The following GXYLT2 variants were observed in gnomAD, a reference collection of about 807,000 sequenced individuals.
GXYLT2 encodes the protein glycosyltransferase 8 domain containing 4.
GXYLT2 carries 53 observed loss-of-function variants against 45.8 expected under a neutral mutation model. That is an observed-to-expected ratio of 1.16 (90% CI 0.93 to 1.46). The LOEUF is 1.46. GXYLT2 is among the 40% of genes most tolerant of loss of function. The pLI is 0.00. For missense variants in GXYLT2, 551 were observed against 544.4 expected (o/e 1.01, Z -0.12); for synonymous variants, 219 against 214.2 (o/e 1.02, Z -0.19).
Position 72,967,689 on chromosome 3 carries a change from G to C in GXYLT2, c.1119G>C (p.Thr373=). Reference sequence around the variant, plus strand: ...TCTACCATGACGATAAGCAACCAACGTTCAGAGCACTCTATGAAGCAATAC... The same window carrying C: ...TCTACCATGACGATAAGCAACCAACCTTCAGAGCACTCTATGAAGCAATAC... The part of the protein sequence containing the change: ...RGVYHDDKQP[T]FRALYEAIRD... The change falls in exon 6 of 7, where the codon ACG becomes ACC. Residue 373 remains threonine, a synonymous_variant. Coordinates refer to ENST00000389617, the MANE Select transcript of GXYLT2 (RefSeq NM_001080393.2). 1 of 1,613,888 alleles carries C rather than the reference G, an allele frequency of 6.2e-7. No individual in the cohort carries two copies. The highest frequency in any genetic ancestry group is 8.5e-7 in the Non-Finnish European group (1 of 1,179,832).
chr3:72,966,369 C>A (rs1710866007), intron 5 of GXYLT2, among the ~76,000 whole-genome samples: 1 of 150,020 alleles, frequency 6.7e-6, no homozygotes, highest in Non-Finnish European at 1.5e-5. Context: ...ATCTTGACTC[C>A]TCTTTTTTAG....
chr3:72,955,678 A>G (rs1452697475), intron 4 of GXYLT2, among the ~76,000 whole-genome samples: 2 of 152,224 alleles, frequency 1.3e-5, no homozygotes, highest in African/African-American at 4.8e-5. Flanking sequence ...TTATTTATGT[A>G]AGTCCGTGAC....
chr3:72,928,938 T>C, intron 3 of GXYLT2: 1 of 740,820 alleles, frequency 1.3e-6, no homozygotes, highest in Non-Finnish European at 2.3e-6. Context: ...CGGCCGCCCA[T>C]AGCCAGTCCT....
At chr3:72,920,596 T>C (rs1247778443) in intron 2 of GXYLT2, among the ~76,000 whole-genome samples, 1 of 152,086 alleles carries the variant, frequency 6.6e-6, no homozygotes, top group Non-Finnish European at 1.5e-5. Context: ...TAAACTGCTC[T>C]AAAATCTAAA....
At chr3:72,900,191 A>T (rs965761598) in intron 1 of GXYLT2, among the ~76,000 whole-genome samples, 2 of 152,070 alleles carry the variant, frequency 1.3e-5, no homozygotes, top group Non-Finnish European at 2.9e-5. Flanking sequence ...TTATTTATAC[A>T]CTCCAGAAAT....
At chr3:72,930,948 G>C (rs112577357) in intron 3 of GXYLT2, among the ~76,000 whole-genome samples, 2,205 of 152,206 alleles carry the variant, frequency 0.014, 55 homozygotes, top group African/African-American at 0.046. Context: ...CACGGAAATA[G>C]AAGAACAACA....
intron 3 of GXYLT2, among the ~76,000 whole-genome samples, chr3:72,951,789 T>A (rs984791963): frequency 6.6e-6 from 1 of 152,146 alleles, no homozygotes; most frequent in Non-Finnish European, 1.5e-5. Flanking sequence ...AATCTTCAAA[T>A]TCTGTTTTTT....
At chr3:72,930,226 G>C (rs185650853) in intron 3 of GXYLT2, among the ~76,000 whole-genome samples, 1 of 151,886 alleles carries the variant, frequency 6.6e-6, no homozygotes, top group African/African-American at 2.4e-5. Flanking sequence ...CAGTCGAACT[G>C]TGTGCTCTCT....
chr3:72,897,021 A>G (rs1042761370), intron 1 of GXYLT2, among the ~76,000 whole-genome samples: 40 of 152,142 alleles, frequency 2.6e-4, no homozygotes, highest in African/African-American at 9.2e-4. Context: ...TGTTAATAGT[A>G]ATAATGATGA....
chr3:72,919,272 A>G (rs1709789054), intron 2 of GXYLT2, among the ~76,000 whole-genome samples: 1 of 152,212 alleles, frequency 6.6e-6, no homozygotes, highest in Admixed American at 6.5e-5. Flanking sequence ...AAACTGTGAT[A>G]TATTCATACC....
intron 1 of GXYLT2, among the ~76,000 whole-genome samples, chr3:72,898,934 T>C (rs1224956418): frequency 6.6e-6 from 1 of 152,170 alleles, no homozygotes; most frequent in Non-Finnish European, 1.5e-5. Context: ...TTTCACCATG[T>C]TGGTCAGGCT....
chr3:72,955,498 T>A, intron 4 of GXYLT2, 149 bp downstream of exon 4: 1 of 682,508 alleles, frequency 1.5e-6, no homozygotes, highest in Non-Finnish European at 2.4e-6. Flanking sequence ...TTTAGAAAAT[T>A]ATAGAATATT....
At chr3:72,905,873 T>C (rs1371200154) in intron 1 of GXYLT2, among the ~76,000 whole-genome samples, 1 of 152,224 alleles carries the variant, frequency 6.6e-6, no homozygotes, top group Non-Finnish European at 1.5e-5. Context: ...GGATTTGTAC[T>C]TCCCTGATTA....
chr3:72,922,564 G>T (rs1709850389), intron 3 of GXYLT2, among the ~76,000 whole-genome samples: 1 of 152,172 alleles, frequency 6.6e-6, no homozygotes. Flanking sequence ...TGGATCATTG[G>T]TCTTTGTGAC....
At chr3:72,916,240 GC>G (rs1709739646) in intron 2 of GXYLT2, among the ~76,000 whole-genome samples, 1 of 150,326 alleles carries the variant, frequency 6.7e-6, no homozygotes, top group African/African-American at 2.5e-5. Flanking sequence ...CATGAGTTTG[GC>G]CCCTGAGTGA....
chr3:72,894,023 T>C (rs1046957141), intron 1 of GXYLT2, among the ~76,000 whole-genome samples: 9 of 152,288 alleles, frequency 5.9e-5, no homozygotes, highest in African/African-American at 2.2e-4. Flanking sequence ...TGACCCAAAC[T>C]GGCCCAATCA....
At chr3:72,954,804 C>T (rs10222350) in intron 3 of GXYLT2, among the ~76,000 whole-genome samples, 7 of 151,760 alleles carry the variant, frequency 4.6e-5, no homozygotes, top group Non-Finnish European at 1.0e-4. Flanking sequence ...CTGATGTTTT[C>T]TTTTTTTTGT....
chr3:72,960,600 A>G (rs1293711163), intron 5 of GXYLT2, among the ~76,000 whole-genome samples: 1 of 152,232 alleles, frequency 6.6e-6, no homozygotes, highest in Non-Finnish European at 1.5e-5. Flanking sequence ...TTCTGGTTTT[A>G]GATGAGTGAT....
At chr3:72,920,293 C>G (rs960789536) in intron 2 of GXYLT2, among the ~76,000 whole-genome samples, 1 of 152,028 alleles carries the variant, frequency 6.6e-6, no homozygotes, top group Non-Finnish European at 1.5e-5. Flanking sequence ...CCTCACCGCT[C>G]CTGGCTAATT....
Sources: gnomAD v4.1 joint callset for allele counts (sites outside exome capture counted in the v4.1 genomes callset) on GRCh38, gnomAD v4.1.1 for gene constraint, MANE v1.5 for transcripts, NCBI Gene and HGNC (gene_info 2026-07-23, HGNC 2026-07-21) for gene names.